Variants in EML1 observed in about 807,000 individuals in gnomAD.
EML1 encodes the protein EMAP like 1, also known as echinoderm microtubule-associated protein-like 1.
EML1 carries 27 observed loss-of-function variants against 110.4 expected under a neutral mutation model. That is an observed-to-expected ratio of 0.24 (90% CI 0.18 to 0.34). EML1 has a LOEUF of 0.34. Among genes scored for constraint, EML1 ranks in the 10% least tolerant of loss-of-function variants. The probability of loss-of-function intolerance (pLI) is 1.00; values close to 1 mark genes in which losing one functional copy is unlikely to be tolerated. For missense variants in EML1, 741 were observed against 1,030.9 expected (o/e 0.72, Z 3.85); for synonymous variants, 344 against 385.8 (o/e 0.89, Z 1.27).
intron 2 of EML1, among the ~76,000 whole-genome samples, chr14:99,864,465 G>A (rs149128885): frequency 2.6e-5 from 4 of 152,084 alleles, no homozygotes; most frequent in African/African-American, 4.8e-5. Context: ...AGGTTTATGG[G>A]CTGTTTTAAT....
intron 3 of EML1, among the ~76,000 whole-genome samples, chr14:99,870,843 A>G (rs1015452784): frequency 6.6e-6 from 1 of 152,226 alleles, no homozygotes; most frequent in Non-Finnish European, 1.5e-5. Flanking sequence ...GTACCTAGTC[A>G]TCCAGGAGCT....
chr14:99,757,066 A>C (rs1223777362), intron 1 of EML1, among the ~76,000 whole-genome samples: 1 of 152,234 alleles, frequency 6.6e-6, no homozygotes, highest in Non-Finnish European at 1.5e-5. Context: ...AAGGCTGGGC[A>C]TGGCGGCTCA....
chr14:99,940,190 GT>G lies in EML1; in HGVS notation c.*82del. 1 of 1,371,988 alleles carries G rather than the reference GT, an allele frequency of 7.3e-7. No homozygotes were observed. Among genetic ancestry groups the G allele is most frequent in the East Asian group, 2.9e-5 (1 of 34,666 alleles). The allele number at this position is 1,371,988 out of a possible 1,614,324, so 85.0% of individuals were successfully genotyped here. A position where few individuals can be genotyped will look rare whatever the true frequency, so the allele number is the denominator to read the frequency against. ...ATTACCCTTGGTCACTGTGATTTCT[GT>G]TTTGTTTAAAAAATTCTTACAAACC... is the stretch of plus-strand genomic sequence containing the variant. On this transcript the variant is annotated 3_prime_UTR_variant, in exon 22 of 22. Transcript: ENST00000262233.
Position 99,940,237 on chromosome 14 carries a change from G to A in EML1, c.*125G>A, listed in dbSNP as rs186871663. ...AAACCTCAGGAAAACTGTGCCCTCC[G>A]CCGGCTACCTTAGCTTAGCGTGTCA... On this transcript the variant is annotated 3_prime_UTR_variant, in exon 22 of 22. Transcript: ENST00000262233. 2.3e-5 allele frequency: 30 copies of A among 1,300,656 alleles called. No individual in the cohort carries two copies. Among genetic ancestry groups the A allele is most frequent in the Admixed American group, 1.9e-4 (5 of 26,764 alleles). The allele number at this position is 1,300,656 out of a possible 1,614,324, so 80.6% of individuals were successfully genotyped here.
intron 12 of EML1, among the ~76,000 whole-genome samples, chr14:99,910,855 A>G (rs1298096549): frequency 6.6e-6 from 1 of 152,206 alleles, no homozygotes; most frequent in East Asian, 1.9e-4. Context: ...TCCAGTGAGC[A>G]TTTATGAGCA....
intron 1 of EML1, among the ~76,000 whole-genome samples, chr14:99,796,186 CAGAGAG>C (rs57818494): frequency 0.025 from 2,924 of 119,240 alleles, 83 homozygotes; most frequent in African/African-American, 0.075. Flanking sequence ...GACCCTGTCT[CAGAGAG>C]AGAGAGAGAG....
chr14:99,743,765 A>G (rs1178664840), intron 1 of EML1, among the ~76,000 whole-genome samples: 1 of 152,214 alleles, frequency 6.6e-6, no homozygotes, highest in African/African-American at 2.4e-5. Context: ...ATGACAAGAG[A>G]TGCAGGTTAG....
At chr14:99,892,290 T>G (rs2059600707) in intron 5 of EML1, 3 of 794,988 alleles carry the variant, frequency 3.8e-6, no homozygotes, top group Non-Finnish European at 4.6e-6. Context: ...ATGCTCTCCT[T>G]GTATGAAAAT....
chr14:99,753,738 T>A (rs1412888781), intron 1 of EML1, among the ~76,000 whole-genome samples: 1 of 152,188 alleles, frequency 6.6e-6, no homozygotes, highest in African/African-American at 2.4e-5. Flanking sequence ...TCTTGCTATT[T>A]CTCTGTTGCT....
chr14:99,749,076 G>A (rs1288992594), intron 1 of EML1, among the ~76,000 whole-genome samples: 2 of 152,206 alleles, frequency 1.3e-5, no homozygotes, highest in Non-Finnish European at 2.9e-5. Flanking sequence ...GGGCATTTGG[G>A]TTATTTCCAC....
chr14:99,805,353 C>G (rs557042890), intron 1 of EML1, among the ~76,000 whole-genome samples: 1 of 152,210 alleles, frequency 6.6e-6, no homozygotes, highest in African/African-American at 2.4e-5. Context: ...GTTAGCAGCC[C>G]GCACCAACTG....
chr14:99,891,939 A>G (rs28450096), intron 5 of EML1, among the ~76,000 whole-genome samples: 4,020 of 152,320 alleles, frequency 0.026, 171 homozygotes, highest in African/African-American at 0.091. Flanking sequence ...TTCAGGAAGC[A>G]TGAAATTACT....
chr14:99,742,786 G>A (rs533820156), intron 1 of EML1, among the ~76,000 whole-genome samples: 5 of 152,126 alleles, frequency 3.3e-5, no homozygotes, highest in Admixed American at 1.3e-4. Flanking sequence ...AGCCTCGGCG[G>A]TCTCATCTGT....
rs1209178031 is a variant in EML1, at chr14:99,793,605, G to A, written c.67+62G>A. The A allele has an allele frequency of 8.1e-6, 8 of 984,372 alleles. No individual in the cohort carries two copies. In the African/African-American group the frequency reaches 1.2e-4, roughly 15 times the overall value. 61.0% of individuals were successfully genotyped at this position (984,372 alleles called of 1,614,324 possible). Reference sequence around the variant, plus strand: ...GCTGGTGGCGGGCGGCGGCGACGGCGACGGCGGGGACCAAGCCGAGGGGCC... The same window carrying A: ...GCTGGTGGCGGGCGGCGGCGACGGCAACGGCGGGGACCAAGCCGAGGGGCC... On this transcript the variant is annotated intron_variant, in intron 1 of 21. Coordinates refer to ENST00000262233, the MANE Select transcript of EML1 (RefSeq NM_004434.3).
chr14:99,746,075 C>T (rs1428776094), intron 1 of EML1, among the ~76,000 whole-genome samples: 1 of 152,220 alleles, frequency 6.6e-6, no homozygotes, highest in Non-Finnish European at 1.5e-5. Flanking sequence ...TAGGCCCTTT[C>T]ACACACTCAG....
intron 3 of EML1, 145 bp from the exon 4 acceptor site, chr14:99,878,340 G>GTT: frequency 8.2e-7 from 1 of 1,219,224 alleles, no homozygotes; most frequent in Non-Finnish European, 1.1e-6. Context: ...GTGACACTCT[G>GTT]AAAAGCTTTT....
chr14:99,890,261 T>C (rs1461437883), intron 4 of EML1, among the ~76,000 whole-genome samples: 1 of 152,200 alleles, frequency 6.6e-6, no homozygotes, highest in Non-Finnish European at 1.5e-5. Flanking sequence ...GTCTTTTGTA[T>C]CTTAAAGCAG....
chr14:99,828,783 A>G (rs959636124), intron 1 of EML1, among the ~76,000 whole-genome samples: 4 of 152,258 alleles, frequency 2.6e-5, no homozygotes, highest in Admixed American at 2.6e-4. Context: ...TATATGCTGT[A>G]TTCTTCAAAT....
At chr14:99,824,362 T>C (rs1392429120) in intron 1 of EML1, among the ~76,000 whole-genome samples, 4 of 152,228 alleles carry the variant, frequency 2.6e-5, no homozygotes, top group African/African-American at 9.7e-5. Flanking sequence ...GCATCACGTT[T>C]TTATTAGGGA....
Sources: gnomAD v4.1 joint callset for allele counts (sites outside exome capture counted in the v4.1 genomes callset) on GRCh38, gnomAD v4.1.1 for gene constraint, MANE v1.5 for transcripts, NCBI Gene and HGNC (gene_info 2026-07-23, HGNC 2026-07-21) for gene names.